Variants in DLGAP1 observed in about 807,000 individuals in gnomAD.
The protein encoded by DLGAP1 is disks large-associated protein 1.
Under a neutral mutation model 90.8 loss-of-function variants are expected in DLGAP1, and 11 were observed. That is an observed-to-expected ratio of 0.12 (90% CI 0.08 to 0.20). DLGAP1 has a LOEUF of 0.20. Among genes scored for constraint, DLGAP1 ranks in the 10% least tolerant of loss-of-function variants. The pLI is 1.00. For missense variants in DLGAP1, 1,050 were observed against 1,333.8 expected, an observed-to-expected ratio of 0.79 and a Z score of 3.31; for synonymous variants, 558 against 540.7, an observed-to-expected ratio of 1.03 and a Z score of -0.44.
intron 5 of DLGAP1, among the ~76,000 whole-genome samples, chr18:3,790,692 C>T (rs1032587149): frequency 6.6e-6 from 1 of 152,188 alleles, no homozygotes; most frequent in Non-Finnish European, 1.5e-5. Flanking sequence ...TATTTGCCTG[C>T]ATTTCCTTTT....
chr18:4,330,216 T>TGCACTAAACCTGAGAATGTAA (rs2080916694), intron 1 of DLGAP1, among the ~76,000 whole-genome samples: 2 of 149,788 alleles, frequency 1.3e-5, no homozygotes, highest in African/African-American at 5.1e-5. Context: ...GATACTCATA[T>TGCACTAAACCTGAGAATGTAA]AATTTTCTTG....
intron 1 of DLGAP1, among the ~76,000 whole-genome samples, chr18:4,441,685 C>T (rs1425928522): frequency 6.6e-6 from 1 of 152,200 alleles, no homozygotes; most frequent in African/African-American, 2.4e-5. Flanking sequence ...AGAAGTGACA[C>T]TTCAAGAATT....
chr18:3,676,499 G>C (rs920979138), intron 7 of DLGAP1, among the ~76,000 whole-genome samples: 2 of 151,974 alleles, frequency 1.3e-5, no homozygotes, highest in African/African-American at 4.8e-5. Context: ...TTCCTGCCGC[G>C]AGATGACAAA....
At chr18:3,788,849 A>G (rs2065585974) in intron 5 of DLGAP1, among the ~76,000 whole-genome samples, 1 of 152,246 alleles carries the variant, frequency 6.6e-6, no homozygotes, top group African/African-American at 2.4e-5. Flanking sequence ...TTATTGTTAC[A>G]GCCACCTAAA....
chr18:3,986,378 C>T (rs981392516), intron 3 of DLGAP1: 1 of 151,858 alleles, frequency 6.6e-6, no homozygotes, highest in Non-Finnish European at 1.5e-5. Flanking sequence ...TACAAAGCAA[C>T]CACTCGCATC....
intron 3 of DLGAP1, among the ~76,000 whole-genome samples, chr18:3,965,300 C>G (rs1003790563): frequency 1.8e-4 from 27 of 152,134 alleles, no homozygotes; most frequent in African/African-American, 6.5e-4. Context: ...GACTGAGTTT[C>G]TAATGTTTTG....
chr18:3,590,318 C>T (rs777863312), intron 7 of DLGAP1, among the ~76,000 whole-genome samples: 16 of 152,214 alleles, frequency 1.1e-4, no homozygotes, highest in Non-Finnish European at 2.1e-4. Context: ...TTCTTTCTAC[C>T]TCTGTATTCA....
intron 1 of DLGAP1, among the ~76,000 whole-genome samples, chr18:4,245,504 A>G (rs1449882720): frequency 6.6e-6 from 1 of 152,190 alleles, no homozygotes; most frequent in Non-Finnish European, 1.5e-5. Flanking sequence ...ATGAAACAAA[A>G]CAAACATTCC....
intron 1 of DLGAP1, among the ~76,000 whole-genome samples, chr18:4,314,692 T>C (rs1316678173): frequency 1.3e-5 from 2 of 152,134 alleles, no homozygotes; most frequent in Non-Finnish European, 2.9e-5. Context: ...CAATAAACAT[T>C]CCCCTAAATA....
intron 1 of DLGAP1, among the ~76,000 whole-genome samples, chr18:4,286,066 G>A (rs943431144): frequency 1.1e-4 from 17 of 152,182 alleles, no homozygotes; most frequent in Non-Finnish European, 2.9e-5. Flanking sequence ...GGCAAACTCA[G>A]AACACAACAG....
chr18:4,302,554 A>G (rs1327190634), intron 1 of DLGAP1, among the ~76,000 whole-genome samples: 1 of 152,154 alleles, frequency 6.6e-6, no homozygotes, highest in Non-Finnish European at 1.5e-5. Flanking sequence ...GACATGTACA[A>G]CACAAAGTTT....
At chr18:4,447,987 G>C (rs1220044799) in intron 1 of DLGAP1, among the ~76,000 whole-genome samples, 2 of 152,094 alleles carry the variant, frequency 1.3e-5, no homozygotes, top group Admixed American at 6.6e-5. Context: ...TTCATCTTCA[G>C]GTCTAATTAA....
intron 2 of DLGAP1, among the ~76,000 whole-genome samples, chr18:4,051,504 C>A (rs917236040): frequency 2.0e-5 from 3 of 152,212 alleles, no homozygotes; most frequent in Non-Finnish European, 4.4e-5. Flanking sequence ...ATCACAAGAA[C>A]AGCATGGAGG....
At chr18:3,798,371 T>C (rs1404084146) in intron 5 of DLGAP1, among the ~76,000 whole-genome samples, 9 of 152,176 alleles carry the variant, frequency 5.9e-5, no homozygotes, top group Admixed American at 5.9e-4. Flanking sequence ...GGTCAGCCAG[T>C]GAGCCCTTTG....
chr18:3,768,738 G>A (rs1307188276), intron 5 of DLGAP1, among the ~76,000 whole-genome samples: 1 of 152,100 alleles, frequency 6.6e-6, no homozygotes, highest in African/African-American at 2.4e-5. Context: ...GACATCCACA[G>A]GCAAAAAGAC....
At chr18:3,614,773 C>T (rs1300223556) in intron 7 of DLGAP1, among the ~76,000 whole-genome samples, 1 of 147,964 alleles carries the variant, frequency 6.8e-6, no homozygotes, top group African/African-American at 2.5e-5. Flanking sequence ...TGCTTGATCC[C>T]GGGAGGCAGA....
intron 1 of DLGAP1, among the ~76,000 whole-genome samples, chr18:4,302,770 A>T (rs1208836247): frequency 6.6e-6 from 1 of 152,206 alleles, no homozygotes; most frequent in East Asian, 1.9e-4. Context: ...TTGAAATTTT[A>T]ATAGAGACTG....
intron 4 of DLGAP1, among the ~76,000 whole-genome samples, chr18:3,857,908 A>G (rs1311099449): frequency 6.6e-6 from 1 of 151,882 alleles, no homozygotes; most frequent in Non-Finnish European, 1.5e-5. Context: ...TTCTTGACCA[A>G]CTTGATACTC....
At chr18:4,403,974 C>T (rs1310172675) in intron 1 of DLGAP1, among the ~76,000 whole-genome samples, 2 of 152,124 alleles carry the variant, frequency 1.3e-5, no homozygotes, top group Admixed American at 1.3e-4. Context: ...AGTTCCTCCC[C>T]AAACTATCTG....
Sources: allele counts gnomAD v4.1 joint callset (sites outside exome capture counted in the v4.1 genomes callset), GRCh38; gene constraint gnomAD v4.1.1; transcripts MANE v1.5; gene names NCBI Gene and HGNC (gene_info 2026-07-23, HGNC 2026-07-21).